The following PTGER3 variants were observed in gnomAD, a reference collection of about 807,000 sequenced individuals.
The protein encoded by PTGER3 is prostaglandin E2 receptor EP3 subtype.
Under a neutral mutation model 34.7 loss-of-function variants are expected in PTGER3, and 22 were observed. That is an observed-to-expected ratio of 0.63 (90% confidence interval 0.45 to 0.91). PTGER3 has a LOEUF of 0.91. Ranked by LOEUF, PTGER3 falls within the 40% of genes least tolerant of loss-of-function variation. PTGER3 has a pLI of 0.00. For missense variants in PTGER3, 468 were observed against 519.4 expected (o/e 0.90, Z 0.96); for synonymous variants, 241 against 230.1 (o/e 1.05, Z -0.43).
chr1:70,856,064 G>A (rs1645795833), intron 4 of PTGER3, among the ~76,000 whole-genome samples: 1 of 152,066 alleles, frequency 6.6e-6, no homozygotes, highest in South Asian at 2.1e-4. Flanking sequence ...GTGCCACTAA[G>A]ACATCCAGAG....
intron 3 of PTGER3, chr1:70,953,736 A>C: frequency 1.3e-6 from 2 of 1,538,144 alleles, no homozygotes; most frequent in Non-Finnish European, 1.8e-6. Flanking sequence ...AAATGCAACT[A>C]GTTTTAATAC....
chr1:70,868,440 T>A (rs1476989491), intron 4 of PTGER3, among the ~76,000 whole-genome samples: 3 of 152,196 alleles, frequency 2.0e-5, no homozygotes, highest in Non-Finnish European at 2.9e-5. Flanking sequence ...ACAGTGTCTG[T>A]TTATTATTTA....
At chr1:70,861,371 A>G (rs1019608235) in intron 4 of PTGER3, among the ~76,000 whole-genome samples, 1 of 152,224 alleles carries the variant, frequency 6.6e-6, no homozygotes, top group African/African-American at 2.4e-5. Flanking sequence ...CAGCCTCCAC[A>G]TTAACATTCA....
chr1:71,009,457 T>C (rs1657251307), intron 2 of PTGER3: 1 of 982,212 alleles, frequency 1.0e-6, no homozygotes, highest in Non-Finnish European at 1.2e-6. Context: ...AGATAACTCA[T>C]TTTTGTTTCT....
intron 4 of PTGER3, among the ~76,000 whole-genome samples, chr1:70,938,301 A>G (rs1396202777): frequency 1.3e-5 from 2 of 152,188 alleles, no homozygotes; most frequent in Admixed American, 1.3e-4. Flanking sequence ...TCAAATCACC[A>G]TGGAGTTGTT....
At chr1:70,965,580 T>A (rs1306811806) in intron 2 of PTGER3, among the ~76,000 whole-genome samples, 1 of 152,202 alleles carries the variant, frequency 6.6e-6, no homozygotes, top group Non-Finnish European at 1.5e-5. Flanking sequence ...CCCCATTCCC[T>A]CCATACTTAA....
At chr1:70,991,445 C>A (rs779179428) in intron 2 of PTGER3, among the ~76,000 whole-genome samples, 2 of 152,074 alleles carry the variant, frequency 1.3e-5, no homozygotes, top group Non-Finnish European at 2.9e-5. Context: ...ACTCTCTGAG[C>A]CAGAATACTA....
At chr1:70,910,208 AC>A (rs1473511852) in intron 4 of PTGER3, among the ~76,000 whole-genome samples, 1 of 152,022 alleles carries the variant, frequency 6.6e-6, no homozygotes, top group Non-Finnish European at 1.5e-5. Context: ...CCAAAAGAAA[AC>A]CCCACACTCA....
At chr1:70,931,032 C>A (rs1648636919) in intron 4 of PTGER3, among the ~76,000 whole-genome samples, 1 of 152,188 alleles carries the variant, frequency 6.6e-6, no homozygotes, top group Non-Finnish European at 1.5e-5. Flanking sequence ...AAGCTAGTTA[C>A]TTCCTAGATA....
chr1:71,046,108 CG>C (rs964191559), intron 1 of PTGER3, among the ~76,000 whole-genome samples: 55 of 150,810 alleles, frequency 3.6e-4, no homozygotes, highest in African/African-American at 1.3e-3. Context: ...GGTGAAACCC[CG>C]TCTCTACTAA....
At chr1:70,930,407 TC>T (rs1648569926) in intron 4 of PTGER3, among the ~76,000 whole-genome samples, 1 of 152,160 alleles carries the variant, frequency 6.6e-6, no homozygotes, top group African/African-American at 2.4e-5. Flanking sequence ...ACATTATAAT[TC>T]CCACTCCCAG....
At chr1:71,033,734 C>A (rs1208346106) in intron 1 of PTGER3, among the ~76,000 whole-genome samples, 1 of 151,856 alleles carries the variant, frequency 6.6e-6, no homozygotes, top group Non-Finnish European at 1.5e-5. Flanking sequence ...TCAAGTTTCT[C>A]CAGGAAATCG....
chr1:71,022,940 A>G (rs4511057), intron 1 of PTGER3, among the ~76,000 whole-genome samples: 51,333 of 151,564 alleles, frequency 0.34, 9,400 homozygotes, highest in South Asian at 0.45. Context: ...TATACTCTCA[A>G]TTGTTCCTGT....
chr1:71,032,876 C>T (rs1659525304), intron 1 of PTGER3, among the ~76,000 whole-genome samples: 1 of 152,122 alleles, frequency 6.6e-6, no homozygotes, highest in Admixed American at 6.6e-5. Flanking sequence ...TAACCAGAAC[C>T]CGTTTAGAAA....
At chr1:70,869,991 A>T (rs915733307) in intron 4 of PTGER3, among the ~76,000 whole-genome samples, 3 of 152,102 alleles carry the variant, frequency 2.0e-5, no homozygotes, top group Non-Finnish European at 4.4e-5. Context: ...GGGGACTCCT[A>T]TGCCACATTT....
intron 2 of PTGER3, among the ~76,000 whole-genome samples, chr1:70,993,010 T>C (rs1199146774): frequency 6.6e-6 from 1 of 152,168 alleles, no homozygotes; most frequent in Non-Finnish European, 1.5e-5. Context: ...TTAACCTTGT[T>C]TTTCTTCTTC....
chr1:71,006,219 C>T, intron 2 of PTGER3: 1 of 985,370 alleles, frequency 1.0e-6, no homozygotes, highest in Non-Finnish European at 1.2e-6. Flanking sequence ...GGTCCTAGGC[C>T]TAGAACCCCC....
intron 4 of PTGER3, among the ~76,000 whole-genome samples, chr1:70,935,746 C>T (rs1437484140): frequency 6.7e-6 from 1 of 150,086 alleles, no homozygotes; most frequent in Admixed American, 6.6e-5. Context: ...AAGATATTCT[C>T]AGTGGTCTTG....
exon 5 of PTGER3, chr1:70,852,615 A>C: frequency 1.7e-6 from 1 of 592,528 alleles, no homozygotes; most frequent in South Asian, 2.2e-5. Context: ...ACAAAACAAT[A>C]GGACATAAGT....
Sources: allele counts gnomAD v4.1 joint callset (sites outside exome capture counted in the v4.1 genomes callset), GRCh38; gene constraint gnomAD v4.1.1; transcripts MANE v1.5; gene names NCBI Gene and HGNC (gene_info 2026-07-23, HGNC 2026-07-21).